The following BRINP1 variants were observed in gnomAD, a reference collection of about 807,000 sequenced individuals.
BRINP1 encodes BMP/retinoic acid inducible neural specific 1, also known as BMP/retinoic acid-inducible neural-specific protein 1.
In BRINP1, 17 loss-of-function variants were observed where a neutral mutation model predicts 72.9. The observed-to-expected ratio is 0.23, with a 90% confidence interval of 0.16 to 0.35. The LOEUF is 0.35. BRINP1 is among the 10% of genes least tolerant of loss of function. The pLI is 1.00. For missense variants in BRINP1, 850 were observed against 1,001.6 expected, an observed-to-expected ratio of 0.85 and a Z score of 2.04; for synonymous variants, 418 against 378.5, an observed-to-expected ratio of 1.10 and a Z score of -1.21.
rs577260820 is a variant in BRINP1 at position 119,368,207 on chromosome 9, C to T, written c.-51+849G>A. Among the ~76,000 whole-genome samples, 1 of 152,294 alleles carries T rather than the reference C, an allele frequency of 6.6e-6. No homozygotes were observed. The highest frequency in any genetic ancestry group is 1.9e-4 in the East Asian group (1 of 5,170). On this transcript the variant is annotated intron_variant, in intron 1 of 7. Coordinates refer to ENST00000265922, the MANE Select transcript of BRINP1 (RefSeq NM_014618.3). This position sits in a 1 kb window ranked among gnomAD's most constrained non-coding sequence, Gnocchi z 4.7. The stretch of plus-strand genomic sequence containing the variant: ...TGCAAACGGGGATGCAGGGTAAATC[C>T]CTATCCCAGACTTTCCAAGCCCCAG...
At chr9:119,348,094 C>T (rs969945137) in intron 1 of BRINP1, among the ~76,000 whole-genome samples, 18 of 152,152 alleles carry the variant, frequency 1.2e-4, no homozygotes, top group Non-Finnish European at 1.8e-4. Flanking sequence ...ACATACACCA[C>T]CCTAAAAATC....
At chr9:119,331,562 G>C (rs949592541) in intron 1 of BRINP1, among the ~76,000 whole-genome samples, 1 of 152,148 alleles carries the variant, frequency 6.6e-6, no homozygotes, top group Non-Finnish European at 1.5e-5. Flanking sequence ...TACTGGTTTG[G>C]GGGTGTTCCT....
chr9:119,292,448 AT>A (rs1340487908), intron 2 of BRINP1, among the ~76,000 whole-genome samples: 1 of 152,208 alleles, frequency 6.6e-6, no homozygotes, highest in Non-Finnish European at 1.5e-5. Context: ...CAGCTAGGAC[AT>A]TATGTTACTA....
intron 5 of BRINP1, among the ~76,000 whole-genome samples, chr9:119,216,373 C>G (rs568843290): frequency 6.6e-6 from 1 of 152,238 alleles, no homozygotes; most frequent in Admixed American, 6.5e-5. Flanking sequence ...ACTGAGTGAG[C>G]TCCACATTGA....
At chr9:119,363,809 A>C (rs186294530) in intron 1 of BRINP1, among the ~76,000 whole-genome samples, 110 of 152,330 alleles carry the variant, frequency 7.2e-4, no homozygotes, top group African/African-American at 2.5e-3. Flanking sequence ...AAAATTAAAT[A>C]TTCAGTTCAT....
Position 119,308,206 on chromosome 9 carries a change from C to T in BRINP1, c.218+4932G>A, listed in dbSNP as rs539376225. ...TTCCAGAAAACATCTTTTAATATTA[C>T]ATTGAACTAGAGTTCTCTGTAACAT... On this transcript the variant is annotated intron_variant, in intron 2 of 7. Transcript: ENST00000265922. Among the ~76,000 whole-genome samples the T allele has an allele frequency of 9.2e-5, 14 of 152,254 alleles. No individual in the cohort carries two copies. The South Asian group carries it at 1.0e-3, about 11-fold the overall frequency.
At position 119,313,306 on chromosome 9, in the gene BRINP1, C is replaced by G. The variant is rs182025128; in HGVS notation, c.50G>C (p.Arg17Pro). Reference sequence around the variant, plus strand: ...CTGGTGGGAGGGCTGCACTGAGATACGGCCCCATATAAACAGGAAGTAGAG... The same window carrying G: ...CTGGTGGGAGGGCTGCACTGAGATAGGGCCCCATATAAACAGGAAGTAGAG... ...ELLYFLFIWG[R>P]ISVQPSHQEP... is the part of the protein sequence containing the mutation. The change falls in exon 2 of 8, where the codon CGT becomes CCT. Residue 17 changes from arginine to proline, a missense_variant. Transcript: ENST00000265922. 3 of 1,614,050 alleles carry G rather than the reference C, an allele frequency of 1.9e-6. No homozygotes were observed. The highest frequency in any genetic ancestry group is 2.5e-6 in the Non-Finnish European group (3 of 1,180,026).
intron 2 of BRINP1, among the ~76,000 whole-genome samples, chr9:119,271,653 AAGAG>A (rs996114915): frequency 9.2e-5 from 14 of 152,152 alleles, no homozygotes; most frequent in African/African-American, 3.4e-4. Flanking sequence ...TTTTGGAAAA[AAGAG>A]AGAGAAAAAA....
chr9:119,170,391 A>G (rs900401436), intron 7 of BRINP1, among the ~76,000 whole-genome samples: 3 of 150,590 alleles, frequency 2.0e-5, no homozygotes, highest in African/African-American at 7.3e-5. Flanking sequence ...GCAATGGAAG[A>G]TGAAATGAAT....
chr9:119,215,239 T>C (rs573090496), intron 5 of BRINP1, among the ~76,000 whole-genome samples: 8 of 152,332 alleles, frequency 5.3e-5, no homozygotes, highest in Admixed American at 3.3e-4. Context: ...TGATCCTCTC[T>C]TTATACTTGA....
In BRINP1 at chr9:119,167,019, TTGCTTCATTTTGTTC is replaced by T. The variant is rs1011495902; in HGVS notation, c.*50_*64del. 35 of 1,470,274 alleles carry T rather than the reference TTGCTTCATTTTGTTC, an allele frequency of 2.4e-5. No individual in the cohort carries two copies. The African/African-American group carries it at 4.5e-4, about 19-fold the overall frequency. 91.1% of individuals were successfully genotyped at this position (1,470,274 alleles called of 1,614,324 possible). On this transcript the variant is annotated 3_prime_UTR_variant, in exon 8 of 8. Coordinates refer to ENST00000265922, the MANE Select transcript of BRINP1 (RefSeq NM_014618.3). This position sits in a 1 kb window ranked among gnomAD's most constrained non-coding sequence, Gnocchi z 4.3. ...TTTTTGTGGGTTTTTTTGTTTTGTT[TTGCTTCATTTTGTTC>T]TGTTGTGTGTGTACAACAACAGGAA...
intron 7 of BRINP1, among the ~76,000 whole-genome samples, chr9:119,206,262 A>G (rs962755001): frequency 1.3e-5 from 2 of 151,936 alleles, no homozygotes; most frequent in African/African-American, 4.8e-5. Context: ...CTAAAAATAC[A>G]AAAATTAGCT....
chr9:119,346,971 C>T (rs1320380247), intron 1 of BRINP1, among the ~76,000 whole-genome samples: 1 of 152,098 alleles, frequency 6.6e-6, no homozygotes, highest in Non-Finnish European at 1.5e-5. Context: ...TGTTAACTAG[C>T]AAGAGCCAGA....
chr9:119,223,608 T>G (rs909445983), intron 5 of BRINP1, among the ~76,000 whole-genome samples: 25 of 152,102 alleles, frequency 1.6e-4, no homozygotes, highest in African/African-American at 5.6e-4. Flanking sequence ...ACCATTTCCC[T>G]GTCATCTAGC....
chr9:119,218,863 G>A (rs918905846), intron 5 of BRINP1, among the ~76,000 whole-genome samples: 5 of 151,416 alleles, frequency 3.3e-5, no homozygotes, highest in Non-Finnish European at 7.4e-5. Context: ...GCATGTTTGC[G>A]CTCCCTGTCC....
At chr9:119,224,244 G>C (rs544345594) in intron 5 of BRINP1, among the ~76,000 whole-genome samples, 24 of 152,018 alleles carry the variant, frequency 1.6e-4, no homozygotes, top group African/African-American at 5.8e-4. Flanking sequence ...GTTTGCATAG[G>C]AACAAAAAAG....
intron 7 of BRINP1, among the ~76,000 whole-genome samples, chr9:119,201,871 T>G (rs772205281): frequency 1.3e-5 from 2 of 152,200 alleles, no homozygotes; most frequent in Non-Finnish European, 2.9e-5. Flanking sequence ...ACTTTGTGCT[T>G]CTTTTCTTCC....
intron 2 of BRINP1, among the ~76,000 whole-genome samples, chr9:119,272,100 A>G: frequency 6.6e-6 from 1 of 151,624 alleles, no homozygotes; most frequent in Non-Finnish European, 1.5e-5. Context: ...ACAAAAAAAA[A>G]AAAAAAAACA....
intron 7 of BRINP1, among the ~76,000 whole-genome samples, chr9:119,195,218 C>T (rs556616280): frequency 1.3e-5 from 2 of 152,144 alleles, no homozygotes; most frequent in Non-Finnish European, 2.9e-5. Flanking sequence ...GCTCACCCCC[C>T]TACCACTTGT....
Sources: allele counts gnomAD v4.1 joint callset (sites outside exome capture counted in the v4.1 genomes callset), GRCh38; gene constraint gnomAD v4.1.1; non-coding constraint Gnocchi (gnomAD v3.1); transcripts MANE v1.5; gene names NCBI Gene and HGNC (gene_info 2026-07-23, HGNC 2026-07-21).